The following DNAJB6 variants were observed in gnomAD, a reference collection of about 807,000 sequenced individuals.
DNAJB6 encodes dnaJ homolog subfamily B member 6.
DNAJB6 carries 16 observed loss-of-function variants against 42.7 expected under a neutral mutation model. The observed-to-expected ratio is 0.37, with a 90% CI of 0.25 to 0.57. The LOEUF is 0.57. DNAJB6 is among the 20% of genes least tolerant of loss of function. The pLI, the probability that DNAJB6 is intolerant of heterozygous loss-of-function variation, is 0.74. For missense variants in DNAJB6, 347 were observed against 416.8 expected (o/e 0.83, Z 1.46); for synonymous variants, 170 against 163.5 (o/e 1.04, Z -0.30).
At chr7:157,374,475 T>C (rs956743231) in intron 5 of DNAJB6, among the ~76,000 whole-genome samples, 2 of 152,050 alleles carry the variant, frequency 1.3e-5, no homozygotes, top group African/African-American at 4.8e-5. Context: ...GTCAGGTTGG[T>C]CTCGAACTCC....
rs966580967 is a variant in DNAJB6, at chr7:157,387,353, G to A, written c.691+1742G>A. On this transcript the variant is annotated intron_variant, in intron 8 of 9. Coordinates refer to ENST00000262177, the MANE Select transcript of DNAJB6 (RefSeq NM_058246.4). ...CTGGATAAGGTAGGTATGCAGCCATGGCACGTGCGGGAAAGCGGGACAGCG... is the reference window on the plus strand; with the variant it reads ...CTGGATAAGGTAGGTATGCAGCCATAGCACGTGCGGGAAAGCGGGACAGCG... Among the ~76,000 whole-genome samples, 4 of 152,264 alleles carry A rather than the reference G, an allele frequency of 2.6e-5. No individual in the cohort carries two copies. In the East Asian group the frequency reaches 7.7e-4, roughly 29 times the overall value.
At chr7:157,405,355 C>T (rs1057385698) in intron 8 of DNAJB6, among the ~76,000 whole-genome samples, 5 of 152,116 alleles carry the variant, frequency 3.3e-5, no homozygotes, top group Non-Finnish European at 5.9e-5. Context: ...CCAGGCTGTG[C>T]GTGAGGCTGG....
rs2116700230 is a variant in DNAJB6, at chr7:157,416,390, C to G, written c.*292C>G. 2.5e-6 allele frequency: 1 copy of G among 400,028 alleles called. No individual in the cohort carries two copies. The highest frequency in any genetic ancestry group is 4.4e-5 in the East Asian group (1 of 22,824). 24.8% of individuals were successfully genotyped at this position (400,028 alleles called of 1,614,324 possible). On this transcript the variant is annotated 3_prime_UTR_variant, in exon 10 of 10. Transcript: ENST00000262177. ...TCCGGATCCTCTTCATTCTTTTCGG[C>G]TACTCAACCACTCCGCATGCTGCTG...
chr7:157,384,907 T>C lies in DNAJB6; in HGVS notation c.519T>C (p.Thr173=), dbSNP rs569868286. The change falls in exon 7 of 10, where the codon ACT becomes ACC. Residue 173 remains threonine, a synonymous_variant. Transcript: ENST00000262177. ...GGTCACTAGGTCACGGGGGCCTCAC[T>C]TCATTCTCTTCCACGTCATTTGGTG... ...SFGSLGHGGL[T]SFSSTSFGGS... is the part of the protein sequence containing the mutation. The C allele has an allele frequency of 6.2e-7, 1 of 1,613,606 alleles. No individual in the cohort carries two copies. The highest frequency in any genetic ancestry group is 1.1e-5 in the South Asian group (1 of 91,058).
At chr7:157,344,000 T>C (rs933738134) in intron 1 of DNAJB6, among the ~76,000 whole-genome samples, 7 of 152,190 alleles carry the variant, frequency 4.6e-5, no homozygotes, top group Non-Finnish European at 7.3e-5. Context: ...TAATAGACAG[T>C]AGGACCTAGT....
chr7:157,350,865 A>G (rs1261273214), intron 1 of DNAJB6, among the ~76,000 whole-genome samples: 2 of 151,094 alleles, frequency 1.3e-5, no homozygotes, highest in Admixed American at 1.3e-4. Context: ...GCCAGAGACA[A>G]CAACTTTTTA....
At chr7:157,380,130 G>C (rs999895529) in intron 5 of DNAJB6, 10 of 152,078 alleles carry the variant, frequency 6.6e-5, no homozygotes, top group African/African-American at 2.2e-4. Context: ...GCTTTTTAAC[G>C]GTCACCTCCT....
intron 8 of DNAJB6, among the ~76,000 whole-genome samples, chr7:157,402,196 C>A (rs951165375): frequency 6.6e-6 from 1 of 152,208 alleles, no homozygotes; most frequent in Non-Finnish European, 1.5e-5. Flanking sequence ...CCTGGGCCCA[C>A]GTGATCCTCC....
intron 5 of DNAJB6, among the ~76,000 whole-genome samples, chr7:157,371,957 C>G (rs1446323778): frequency 1.3e-5 from 2 of 152,188 alleles, no homozygotes; most frequent in African/African-American, 4.8e-5. Flanking sequence ...AGCAGTGCAG[C>G]AAGTTTTTCC....
intron 8 of DNAJB6, among the ~76,000 whole-genome samples, chr7:157,406,801 A>G (rs1050670115): frequency 1.8e-4 from 28 of 152,234 alleles, no homozygotes; most frequent in African/African-American, 6.8e-4. Context: ...AGGTGTCTTC[A>G]ATATTCATTT....
At position 157,409,902 on chromosome 7, in the gene DNAJB6, T is replaced by C. The variant is rs971868513; in HGVS notation, c.799T>C (p.Ser267Pro). 3.3e-6 allele frequency: 5 copies of C among 1,534,436 alleles called. No homozygotes were observed. Among genetic ancestry groups the C allele is most frequent in the Non-Finnish European group, 3.5e-6 (4 of 1,145,728 alleles). ...CCCGCCGAAGCCGCCCCGGCCTGCCTCGCTGCTGAGACACGCGCCTCACTG... is the reference window on the plus strand; with the variant it reads ...CCCGCCGAAGCCGCCCCGGCCTGCCCCGCTGCTGAGACACGCGCCTCACTG... ...LRPPKPPRPA[S>P]LLRHAPHCLS... Residue 267 changes from serine (S) to proline (P), a missense_variant, in exon 9 of 10, where the codon TCG (serine) becomes CCG (proline). Around this residue, in one of 3 missense-constraint regions of DNAJB6, gnomAD observed 264 missense variants for 288.0 expected, o/e 0.92. Coordinates refer to ENST00000262177, the MANE Select transcript of DNAJB6 (RefSeq NM_058246.4).
At position 157,367,370 on chromosome 7, in the gene DNAJB6, C is replaced by T. The variant is rs762487513; in HGVS notation, c.236-3C>T. On this transcript the variant is annotated splice_polypyrimidine_tract_variant and splice_region_variant and intron_variant, in intron 4 of 9. Transcript: ENST00000262177. ...AACTAAAAGCTGTGTTGTATTTGTGCAGGTGGAAGTCATTTTGACAGTCCA... is the reference window on the plus strand; with the variant it reads ...AACTAAAAGCTGTGTTGTATTTGTGTAGGTGGAAGTCATTTTGACAGTCCA... 4 of 1,588,564 alleles carry T rather than the reference C, an allele frequency of 2.5e-6. No homozygotes were observed. The East Asian group carries it at 8.9e-5, about 36-fold the overall frequency.
chr7:157,375,466 T>C (rs1462612899), intron 5 of DNAJB6, among the ~76,000 whole-genome samples: 1 of 152,242 alleles, frequency 6.6e-6, no homozygotes, highest in African/African-American at 2.4e-5. Context: ...TAACCAGACC[T>C]GGGAAGTAGC....
At chr7:157,380,277 A>G (rs1044560012) in intron 5 of DNAJB6, 2 of 152,244 alleles carry the variant, frequency 1.3e-5, no homozygotes, top group African/African-American at 2.4e-5. Context: ...CTATGGCTGC[A>G]AAGTAGAAAG....
chr7:157,386,345 G>T (rs879683342), intron 8 of DNAJB6: 1 of 983,526 alleles, frequency 1.0e-6, no homozygotes, highest in Non-Finnish European at 1.2e-6. Flanking sequence ...GTCTGTGTAT[G>T]ATTTGTGCCT....
At chr7:157,382,155 A>G (rs1584924205) in intron 5 of DNAJB6, 91 bp from the exon 6 acceptor site, 1 of 1,418,562 alleles carries the variant, frequency 7.0e-7, no homozygotes, top group Non-Finnish European at 9.4e-7. Context: ...TGAATATGTT[A>G]CAAACATCTA....
Position 157,370,494 on chromosome 7 carries a change from T to C in DNAJB6, c.346+3011T>C, listed in dbSNP as rs550356047. Among the ~76,000 whole-genome samples, 3 of 152,348 alleles carry C rather than the reference T, an allele frequency of 2.0e-5. No individual in the cohort carries two copies. In the East Asian group the frequency reaches 5.8e-4, roughly 29 times the overall value. On this transcript the variant is annotated intron_variant, in intron 5 of 9. Transcript: ENST00000262177. ...CAAAGGGGAAGGGTCCCTTAGTGAC[T>C]GAATTGTAGCTAATTTTTGTTTTCC...
At position 157,388,595 on chromosome 7, in the gene DNAJB6, T is replaced by C. The variant is rs1369803824; in HGVS notation, c.691+2984T>C. Reference sequence around the variant, plus strand: ...CTGTTTGAGATTCTTTTTTAAGTTTTATTTTTAAAGTCTTTAATTTTTAAA... The same window carrying C: ...CTGTTTGAGATTCTTTTTTAAGTTTCATTTTTAAAGTCTTTAATTTTTAAA... On this transcript the variant is annotated intron_variant, in intron 8 of 9. Transcript: ENST00000262177. Among the ~76,000 whole-genome samples, 5 of 150,746 alleles carry C rather than the reference T, an allele frequency of 3.3e-5. No homozygotes were observed. In the East Asian group the frequency reaches 9.9e-4, roughly 30 times the overall value.
chr7:157,348,850 T>C (rs1021982097), intron 1 of DNAJB6, among the ~76,000 whole-genome samples: 1 of 152,120 alleles, frequency 6.6e-6, no homozygotes, highest in African/African-American at 2.4e-5. Flanking sequence ...GCGTCCCACA[T>C]GGGCTGTGTG....
Sources: allele counts gnomAD v4.1 joint callset (sites outside exome capture counted in the v4.1 genomes callset), GRCh38; gene constraint gnomAD v4.1.1; regional missense constraint gnomAD v4.1.1; transcripts MANE v1.5; gene names NCBI Gene and HGNC (gene_info 2026-07-23, HGNC 2026-07-21).